PXMP2: variants seen among roughly 807,000 people sequenced by gnomAD.
The protein encoded by PXMP2 is peroxisomal membrane protein 2.
In PXMP2, 13 loss-of-function variants were observed where a neutral mutation model predicts 20.2. The ratio of observed to expected loss-of-function variants is 0.64; its 90% CI spans 0.42 to 1.02. The LOEUF is 1.02. Among genes scored for constraint, PXMP2 ranks in the 50% least tolerant of loss-of-function variants. The probability of loss-of-function intolerance (pLI) is 0.00; values close to 1 mark genes in which losing one functional copy is unlikely to be tolerated. For missense variants in PXMP2, 284 were observed against 251.8 expected (o/e 1.13, Z -0.87); for synonymous variants, 113 against 111.2 (o/e 1.02, Z -0.10).
rs1176334455 is a variant in PXMP2, at chr12:132,704,756, A to AGAAC, written c.*70_*73dup. The AGAAC allele has an allele frequency of 6.9e-7, 1 of 1,446,716 alleles. No homozygotes were observed. The highest frequency in any genetic ancestry group is 9.7e-7 in the Non-Finnish European group (1 of 1,032,834). The allele number at this position is 1,446,716 out of a possible 1,614,324, so 89.6% of individuals were successfully genotyped here. Reference sequence around the variant, plus strand: ...GGGGTCTCACCCGCCCAGCGAGAGCAGAACCAATCCAGTCAGGATGTCACT... The same window carrying AGAAC: ...GGGGTCTCACCCGCCCAGCGAGAGCAGAACGAACCAATCCAGTCAGGATGTCACT... On this transcript the variant is annotated 3_prime_UTR_variant, in exon 5 of 5. Transcript: ENST00000317479.
intron 1 of PXMP2, 39 bp from the exon 2 acceptor site, chr12:132,690,224 C>G (rs746003619): frequency 7.0e-5 from 107 of 1,523,814 alleles, no homozygotes; most frequent in Admixed American, 4.9e-4. Flanking sequence ...CACCCTCCTG[C>G]TGGTCACTGC....
chr12:132,702,426 C>T (rs1217987516), intron 4 of PXMP2: 2 of 339,496 alleles, frequency 5.9e-6, no homozygotes, highest in East Asian at 9.8e-5. Context: ...TCTTTATGCA[C>T]AGCCAGGGTC....
intron 2 of PXMP2, among the ~76,000 whole-genome samples, chr12:132,691,733 T>C (rs781526500): frequency 5.9e-5 from 9 of 152,194 alleles, no homozygotes; most frequent in Non-Finnish European, 1.2e-4. Context: ...AATCCCTGCA[T>C]AGGCCACATA....
At chr12:132,701,739 G>C (rs1351368262) in intron 4 of PXMP2, 2 of 267,862 alleles carry the variant, frequency 7.5e-6, no homozygotes, top group Non-Finnish European at 1.4e-5. Context: ...CAGGCAACTT[G>C]AATCTATGCT....
intron 4 of PXMP2, among the ~76,000 whole-genome samples, chr12:132,703,040 C>T (rs1383184212): frequency 6.6e-6 from 1 of 152,156 alleles, no homozygotes; most frequent in Non-Finnish European, 1.5e-5. Context: ...TAACAGTGGC[C>T]CTTCCCAGAG....
At position 132,689,195 on chromosome 12, in the gene PXMP2, A is replaced by C. The variant is rs1170284853; in HGVS notation, c.123-1068A>C. Among the ~76,000 whole-genome samples the C allele has an allele frequency of 1.4e-3, 135 of 97,642 alleles. 1 individual carries two copies. Among genetic ancestry groups the C allele is most frequent in the African/African-American group, 5.3e-3 (131 of 24,538 alleles). The allele number at this position is 97,642 out of a possible 152,430, so 64.1% of individuals were successfully genotyped here. A position where few individuals can be genotyped will look rare whatever the true frequency, so the allele number is the denominator to read the frequency against. ...CGGGGCACGGGTAAAGACAGGGCCAAGGGAGCGGGTCTGCGTGGTGCGGGT... is the reference window on the plus strand; with the variant it reads ...CGGGGCACGGGTAAAGACAGGGCCACGGGAGCGGGTCTGCGTGGTGCGGGT... On this transcript the variant is annotated intron_variant, in intron 1 of 4. Coordinates refer to ENST00000317479, the MANE Select transcript of PXMP2 (RefSeq NM_018663.3).
intron 2 of PXMP2, among the ~76,000 whole-genome samples, chr12:132,694,115 CAGTT>C (rs72361009): frequency 1.4e-3 from 171 of 122,454 alleles, no homozygotes; most frequent in African/African-American, 5.4e-3. Flanking sequence ...GCGCCCTTGC[CAGTT>C]AGTTAGTGAG....
At chr12:132,698,712 C>T (rs568591508) in intron 3 of PXMP2, among the ~76,000 whole-genome samples, 5 of 152,210 alleles carry the variant, frequency 3.3e-5, no homozygotes, top group South Asian at 2.1e-4. Flanking sequence ...CTGCAACCTC[C>T]GCCTCTCGGG....
chr12:132,701,189 C>T, intron 3 of PXMP2, 61 bp from the exon 4 acceptor site: 3 of 1,604,160 alleles, frequency 1.9e-6, no homozygotes, highest in Non-Finnish European at 2.6e-6. Context: ...GGTCTGGGTG[C>T]CCGGAATTCA....
chr12:132,694,724 C>T (rs2043399491), intron 2 of PXMP2, among the ~76,000 whole-genome samples: 1 of 112,162 alleles, frequency 8.9e-6, no homozygotes, highest in African/African-American at 3.2e-5. Flanking sequence ...AGTTAGTGAG[C>T]TCCCTTGCCA....
chr12:132,696,668 C>T lies in PXMP2; in HGVS notation c.399+622C>T, dbSNP rs1026119999. 6.6e-6 allele frequency among the ~76,000 whole-genome samples: 1 copy of T among 152,084 alleles called. No homozygotes were observed. The highest frequency in any genetic ancestry group is 1.5e-5 in the Non-Finnish European group (1 of 68,028). ...CAAAAAATTTAGCTGGGCACAGTGG[C>T]AGTCGCCTGTAGTCCCAGCTACTTG... On this transcript the variant is annotated intron_variant, in intron 3 of 4. Coordinates refer to ENST00000317479, the MANE Select transcript of PXMP2 (RefSeq NM_018663.3). The surrounding 1 kb of genome is among the most constrained non-coding windows in gnomAD (Gnocchi z 4.4).
At chr12:132,702,612 C>A in intron 4 of PXMP2, 1 of 213,426 alleles carries the variant, frequency 4.7e-6, no homozygotes, top group South Asian at 4.4e-5. Context: ...GCGGGCATCT[C>A]TGCCTGCTGC....
rs2043410116 is a variant in PXMP2, at chr12:132,696,416, A to G, written c.399+370A>G. Among the ~76,000 whole-genome samples the G allele has an allele frequency of 6.6e-6, 1 of 152,092 alleles. No individual in the cohort carries two copies. The highest frequency in any genetic ancestry group is 2.1e-4 in the South Asian group (1 of 4,824). ...CACACCCAGCTAATCAGATATTTTT[A>G]TATCACATCAGTTGTTACAGATATC... is the stretch of plus-strand genomic sequence containing the variant. On this transcript the variant is annotated intron_variant, in intron 3 of 4. Coordinates refer to ENST00000317479, the MANE Select transcript of PXMP2 (RefSeq NM_018663.3). The surrounding 1 kb of genome is among the most constrained non-coding windows in gnomAD (Gnocchi z 4.4).
At chr12:132,701,468 TTTCTC>T (rs1316504239) in intron 4 of PXMP2, 99 bp downstream of exon 4, 18 of 1,446,080 alleles carry the variant, frequency 1.2e-5, no homozygotes, top group South Asian at 5.1e-5. Flanking sequence ...CCCCTCTTCT[TTTCTC>T]TTCTCTTCTT....
intron 1 of PXMP2, among the ~76,000 whole-genome samples, chr12:132,689,478 G>C (rs1358948871): frequency 3.3e-5 from 5 of 152,184 alleles, no homozygotes; most frequent in Non-Finnish European, 7.4e-5. Flanking sequence ...GTGCAGCTTG[G>C]ACTCAGTCCC....
chr12:132,701,641 C>A, intron 4 of PXMP2: 1 of 437,980 alleles, frequency 2.3e-6, no homozygotes, highest in Non-Finnish European at 4.0e-6. Context: ...TCTGTTCGTT[C>A]AGCAAATTCT....
Position 132,696,125 on chromosome 12 carries a change from A to G in PXMP2, c.399+79A>G. 2.8e-6 allele frequency: 4 copies of G among 1,428,818 alleles called. No homozygotes were observed. Among genetic ancestry groups the G allele is most frequent in the Non-Finnish European group, 2.8e-6 (3 of 1,068,806 alleles). 88.5% of individuals were successfully genotyped at this position (1,428,818 alleles called of 1,614,324 possible). The stretch of plus-strand genomic sequence containing the variant: ...TCACCTGACATTCTCGGCAGAATTC[A>G]GAGGGTCTGCAGATTTTTCACTCAA... On this transcript the variant is annotated intron_variant, in intron 3 of 4. Transcript: ENST00000317479. The surrounding 1 kb of genome is among the most constrained non-coding windows in gnomAD (Gnocchi z 4.4).
rs201770650 is a variant in PXMP2 at position 132,695,187 on chromosome 12, CAGTT to C, written c.237-689_237-686del. 3.6e-4 allele frequency among the ~76,000 whole-genome samples: 54 copies of C among 151,742 alleles called. 1 individual carries two copies. In the East Asian group the frequency reaches 8.0e-3, roughly 22 times the overall value. Reference sequence around the variant, plus strand: ...ACAGTTAGTTAGTGAGCGCCCTTGACAGTTAGTTAGTGAGCTCCCTTAGCCAGTT... The same window carrying C: ...ACAGTTAGTTAGTGAGCGCCCTTGACAGTTAGTGAGCTCCCTTAGCCAGTT... On this transcript the variant is annotated intron_variant, in intron 2 of 4. Transcript: ENST00000317479.
At chr12:132,694,869 CAGTT>C (rs1159059572) in intron 2 of PXMP2, among the ~76,000 whole-genome samples, 7 of 147,606 alleles carry the variant, frequency 4.7e-5, no homozygotes, top group East Asian at 4.1e-4. Context: ...CTCCCTTAGC[CAGTT>C]AGTTAGTGAG....
Sources: allele counts gnomAD v4.1 joint callset (sites outside exome capture counted in the v4.1 genomes callset), GRCh38; gene constraint gnomAD v4.1.1; non-coding constraint Gnocchi (gnomAD v3.1); transcripts MANE v1.5; gene names NCBI Gene and HGNC (gene_info 2026-07-23, HGNC 2026-07-21).